The following SWT1 variants were observed in gnomAD, a reference collection of about 807,000 sequenced individuals.
SWT1 encodes the protein SWT1 RNA endoribonuclease homolog, also known as transcriptional protein SWT1.
SWT1 carries 33 observed loss-of-function variants against 107.3 expected under a neutral mutation model. The ratio of observed to expected loss-of-function variants is 0.31; its 90% confidence interval spans 0.23 to 0.41. SWT1 has a LOEUF of 0.41. Ranked by LOEUF, SWT1 falls within the 10% of genes least tolerant of loss-of-function variation. SWT1 has a pLI of 1.00. For missense variants in SWT1, 898 were observed against 1,028.9 expected (o/e 0.87, Z 1.74); for synonymous variants, 345 against 348.3 (o/e 0.99, Z 0.11).
chr1:185,271,232 G>A, intron 16 of SWT1, 91 bp from the exon 17 acceptor site: 1 of 697,068 alleles, frequency 1.4e-6, no homozygotes, highest in South Asian at 1.6e-5. Flanking sequence ...GTTACCTCTT[G>A]TGGTATGGGT....
intron 9 of SWT1, among the ~76,000 whole-genome samples, chr1:185,189,001 C>G (rs1656721825): frequency 6.6e-6 from 1 of 152,054 alleles, no homozygotes; most frequent in South Asian, 2.1e-4. Context: ...TTTTTAGAGA[C>G]AAGGTCTCAC....
At position 185,255,838 on chromosome 1, in the gene SWT1, G is replaced by T. The variant is rs1005950163; in HGVS notation, c.2442-15485G>T. On this transcript the variant is annotated intron_variant, in intron 16 of 18. Coordinates refer to ENST00000367500, the MANE Select transcript of SWT1 (RefSeq NM_017673.7). ...CCCTGTCATTATGATGTTAGCTGGT[G>T]ATTTTGCTCATTAGTTGATGCAGTT... 1.2e-3 allele frequency among the ~76,000 whole-genome samples: 188 copies of T among 151,886 alleles called. 1 individual carries two copies. Among genetic ancestry groups the T allele is most frequent in the African/African-American group, 3.6e-3 (148 of 41,476 alleles).
chr1:185,195,046 C>T (rs565176164), intron 10 of SWT1, among the ~76,000 whole-genome samples: 29 of 151,966 alleles, frequency 1.9e-4, no homozygotes, highest in Non-Finnish European at 2.9e-4. Flanking sequence ...ATATGCAGAA[C>T]GTGCAGGTTT....
At chr1:185,234,125 T>C (rs1218113462) in intron 16 of SWT1, among the ~76,000 whole-genome samples, 1 of 152,192 alleles carries the variant, frequency 6.6e-6, no homozygotes, top group East Asian at 1.9e-4. Context: ...TAGATGTCTG[T>C]TAGGTCTGCC....
At chr1:185,180,541 TAATATG>T in intron 6 of SWT1, 91 bp downstream of exon 6, 1 of 904,428 alleles carries the variant, frequency 1.1e-6, no homozygotes, top group Non-Finnish European at 1.8e-6. Flanking sequence ...GAAACCCTGA[TAATATG>T]AAAATAACAA....
intron 17 of SWT1, among the ~76,000 whole-genome samples, chr1:185,271,770 T>A (rs1483006479): frequency 1.3e-5 from 2 of 152,230 alleles, no homozygotes; most frequent in Non-Finnish European, 2.9e-5. Flanking sequence ...TATTGTATGA[T>A]CTCTAGGCTT....
chr1:185,272,662 A>G (rs1277287323), intron 17 of SWT1, among the ~76,000 whole-genome samples: 2 of 152,190 alleles, frequency 1.3e-5, no homozygotes, highest in Non-Finnish European at 2.9e-5. Context: ...GAGAGTAACA[A>G]TAGTAGGTAA....
intron 1 of SWT1, among the ~76,000 whole-genome samples, chr1:185,159,776 A>T (rs950982400): frequency 1.3e-5 from 2 of 152,014 alleles, no homozygotes; most frequent in Non-Finnish European, 2.9e-5. Context: ...CCCAGGCTGG[A>T]GTGCAGTGGC....
intron 15 of SWT1, among the ~76,000 whole-genome samples, 159 bp downstream of exon 15, chr1:185,222,195 A>AT (rs1659707820): frequency 6.6e-6 from 1 of 151,968 alleles, no homozygotes. Flanking sequence ...TACCTCATGC[A>AT]TTTTAAGTGT....
chr1:185,275,534 G>A (rs1664181832), intron 17 of SWT1, among the ~76,000 whole-genome samples: 1 of 149,904 alleles, frequency 6.7e-6, no homozygotes, highest in South Asian at 2.1e-4. Flanking sequence ...ATATATATGT[G>A]TGTACATATA....
At chr1:185,172,240 T>C (rs765824550) in intron 4 of SWT1, among the ~76,000 whole-genome samples, 11 of 152,244 alleles carry the variant, frequency 7.2e-5, no homozygotes, top group Non-Finnish European at 1.3e-4. Context: ...GAAAATATAA[T>C]TATCACCTCT....
chr1:185,272,958 G>A (rs139963616), intron 17 of SWT1, among the ~76,000 whole-genome samples: 47 of 152,004 alleles, frequency 3.1e-4, no homozygotes, highest in Middle Eastern at 3.4e-3. Flanking sequence ...ATTTGAGTCC[G>A]GGAGGTCAAG....
chr1:185,271,159 G>A (rs1196916408), intron 16 of SWT1, among the ~76,000 whole-genome samples, 164 bp from the exon 17 acceptor site: 1 of 151,940 alleles, frequency 6.6e-6, no homozygotes, highest in African/African-American at 2.4e-5. Flanking sequence ...TTAAGTTTCT[G>A]GTTTTATAAT....
rs544955022 is a variant in SWT1 at position 185,246,435 on chromosome 1, C to A, written c.2441+14727C>A. Among the ~76,000 whole-genome samples the A allele has an allele frequency of 4.6e-5, 7 of 152,044 alleles. No individual in the cohort carries two copies. The South Asian group carries it at 6.2e-4, about 14-fold the overall frequency. Reference sequence around the variant, plus strand: ...GGGACTACAGGCATACCCTACCACGCCCAGCTAACTTTTGTGTTTTTTGTA... The same window carrying A: ...GGGACTACAGGCATACCCTACCACGACCAGCTAACTTTTGTGTTTTTTGTA... On this transcript the variant is annotated intron_variant, in intron 16 of 18. Coordinates refer to ENST00000367500, the MANE Select transcript of SWT1 (RefSeq NM_017673.7).
chr1:185,235,591 C>A (rs927257452), intron 16 of SWT1, among the ~76,000 whole-genome samples: 8 of 152,258 alleles, frequency 5.3e-5, no homozygotes, highest in Admixed American at 1.3e-4. Flanking sequence ...TTACGACAAA[C>A]CCATAGCCAG....
At chr1:185,230,903 C>T (rs867639616) in intron 15 of SWT1, among the ~76,000 whole-genome samples, 49 of 152,128 alleles carry the variant, frequency 3.2e-4, no homozygotes, top group Middle Eastern at 3.4e-3. Flanking sequence ...AGTGCCACCA[C>T]GCCTCTCTAA....
chr1:185,172,139 C>T (rs927876851), intron 4 of SWT1, among the ~76,000 whole-genome samples: 6 of 152,220 alleles, frequency 3.9e-5, no homozygotes, highest in African/African-American at 1.4e-4. Context: ...ACTGAAAAGG[C>T]ACACATTTAC....
chr1:185,202,160 A>C (rs1657937255), intron 10 of SWT1, among the ~76,000 whole-genome samples: 1 of 152,036 alleles, frequency 6.6e-6, no homozygotes, highest in African/African-American at 2.4e-5. Flanking sequence ...GGTCTCATGC[A>C]CTATGTTCTA....
In SWT1 at chr1:185,206,726, T is replaced by G. The variant is rs147969027; in HGVS notation, c.1935T>G (p.Leu645=). The G allele has an allele frequency of 7.5e-6, 12 of 1,607,430 alleles. No individual in the cohort carries two copies. Among genetic ancestry groups the G allele is most frequent in the African/African-American group, 2.7e-5 (2 of 74,672 alleles). The change falls in exon 13 of 19, where the codon CTT becomes CTG. Residue 645 remains leucine (L), a synonymous_variant. Coordinates refer to ENST00000367500, the MANE Select transcript of SWT1 (RefSeq NM_017673.7). ...VFGLVMEKNL[L]LTIESLYKNL... is the part of the protein sequence containing the mutation. The stretch of plus-strand genomic sequence containing the variant: ...GATTAGTTATGGAAAAGAACTTGCT[T>G]TTAACTATTGAGAGCCTATACAAAA...
Sources: gnomAD v4.1 joint callset for allele counts (sites outside exome capture counted in the v4.1 genomes callset) on GRCh38, gnomAD v4.1.1 for gene constraint, MANE v1.5 for transcripts, NCBI Gene and HGNC (gene_info 2026-07-23, HGNC 2026-07-21) for gene names.